The following TAFA5 variants were observed in gnomAD, a reference collection of about 807,000 sequenced individuals.
TAFA5 encodes chemokine-like protein TAFA-5.
Under a neutral mutation model 15.3 loss-of-function variants are expected in TAFA5, and 6 were observed. The ratio of observed to expected loss-of-function variants is 0.39; its 90% CI spans 0.21 to 0.77. The LOEUF is 0.77. Ranked by LOEUF, TAFA5 falls within the 30% of genes least tolerant of loss-of-function variation. The pLI, the probability that TAFA5 is intolerant of heterozygous loss-of-function variation, is 0.41. For synonymous variants in TAFA5, 103 were observed against 80.7 expected, an observed-to-expected ratio of 1.28 and a Z score of -1.48; for missense variants, 161 against 193.1, an observed-to-expected ratio of 0.83 and a Z score of 0.98.
At chr22:48,686,372 A>G (rs1392082211) in intron 2 of TAFA5, among the ~76,000 whole-genome samples, 1 of 152,166 alleles carries the variant, frequency 6.6e-6, no homozygotes, top group African/African-American at 2.4e-5. Flanking sequence ...TGGTTTGCAG[A>G]CAACTGTCTT....
At chr22:48,743,219 C>T (rs192055448) in intron 3 of TAFA5, among the ~76,000 whole-genome samples, 98 of 151,406 alleles carry the variant, frequency 6.5e-4, no homozygotes, top group Admixed American at 2.2e-3. Flanking sequence ...GCCATTCTTC[C>T]GGTTCGGGGG....
In TAFA5 at chr22:48,750,834, T is replaced by G. The variant is rs1331343298; in HGVS notation, c.*987T>G. On this transcript the variant is annotated 3_prime_UTR_variant, in exon 4 of 4. Transcript: ENST00000402357. ...TTTGCAAAGCCTAAAGTTATATATT[T>G]AACAGTTTTTATATGTTGTATATTT... is the stretch of plus-strand genomic sequence containing the variant. 2 of 152,640 alleles carry G rather than the reference T, an allele frequency of 1.3e-5. No homozygotes were observed. Among genetic ancestry groups the G allele is most frequent in the Admixed American group, 1.3e-4 (2 of 15,294 alleles). 9.5% of individuals were successfully genotyped at this position (152,640 alleles called of 1,614,324 possible).
chr22:48,512,005 G>A (rs1344796036), intron 1 of TAFA5, among the ~76,000 whole-genome samples: 2 of 152,240 alleles, frequency 1.3e-5, no homozygotes, highest in Admixed American at 6.5e-5. Context: ...ATGGCACAGA[G>A]CTGCAGGGAG....
At chr22:48,507,733 C>G (rs1018992437) in intron 1 of TAFA5, among the ~76,000 whole-genome samples, 2 of 152,064 alleles carry the variant, frequency 1.3e-5, no homozygotes, top group African/African-American at 4.8e-5. Flanking sequence ...TCCAGGTGGT[C>G]GACCGGGACT....
chr22:48,687,425 G>A (rs192811978), intron 2 of TAFA5, among the ~76,000 whole-genome samples: 1 of 150,212 alleles, frequency 6.7e-6, no homozygotes, highest in Admixed American at 6.6e-5. Flanking sequence ...TGGGTAGATA[G>A]ATGGATGGAT....
intron 2 of TAFA5, among the ~76,000 whole-genome samples, chr22:48,651,353 G>A (rs1405839539): frequency 6.6e-6 from 1 of 152,254 alleles, no homozygotes; most frequent in Admixed American, 6.5e-5. Flanking sequence ...GGGAGGTGCA[G>A]GACAGGCCGG....
At chr22:48,646,061 CA>C (rs1343839719) in intron 1 of TAFA5, among the ~76,000 whole-genome samples, 1 of 152,178 alleles carries the variant, frequency 6.6e-6, no homozygotes, top group East Asian at 1.9e-4. Context: ...CCTCTGTACC[CA>C]GGCAGGCATG....
chr22:48,643,909 C>T (rs1926771637), intron 1 of TAFA5, among the ~76,000 whole-genome samples: 1 of 152,210 alleles, frequency 6.6e-6, no homozygotes, highest in Non-Finnish European at 1.5e-5. Context: ...AGCCAACCTG[C>T]AGAGCTTAAC....
intron 1 of TAFA5, among the ~76,000 whole-genome samples, chr22:48,633,852 C>T (rs938750298): frequency 1.3e-5 from 2 of 152,178 alleles, no homozygotes; most frequent in African/African-American, 4.8e-5. Flanking sequence ...ATTGAATGTT[C>T]ATTTATAGTG....
intron 1 of TAFA5, among the ~76,000 whole-genome samples, chr22:48,528,712 C>A (rs1209987956): frequency 6.6e-6 from 1 of 152,216 alleles, no homozygotes; most frequent in African/African-American, 2.4e-5. Flanking sequence ...GTGGAAAGAG[C>A]CAGGAACACC....
chr22:48,597,599 C>A (rs1330449109), intron 1 of TAFA5, among the ~76,000 whole-genome samples: 2 of 152,150 alleles, frequency 1.3e-5, no homozygotes, highest in African/African-American at 4.8e-5. Context: ...TCACCTGGGC[C>A]TCAGTTTCCC....
intron 1 of TAFA5, among the ~76,000 whole-genome samples, chr22:48,605,351 GTGA>G (rs1365209562): frequency 3.4e-5 from 5 of 147,046 alleles, no homozygotes; most frequent in African/African-American, 5.1e-5. Context: ...GATGGCGATG[GTGA>G]TGATGGTGGT....
At chr22:48,673,560 G>C (rs1001060595) in intron 2 of TAFA5, among the ~76,000 whole-genome samples, 3 of 152,224 alleles carry the variant, frequency 2.0e-5, no homozygotes, top group African/African-American at 7.2e-5. Context: ...CTGAGGGTGG[G>C]ATGGCTGGTG....
At chr22:48,518,798 A>T (rs1921505885) in intron 1 of TAFA5, among the ~76,000 whole-genome samples, 1 of 152,252 alleles carries the variant, frequency 6.6e-6, no homozygotes, top group Non-Finnish European at 1.5e-5. Flanking sequence ...ACGCTGGGAC[A>T]GGCAAGCGGT....
chr22:48,575,309 CG>C (rs1286941174), intron 1 of TAFA5, among the ~76,000 whole-genome samples: 1 of 151,368 alleles, frequency 6.6e-6, no homozygotes, highest in East Asian at 1.9e-4. Context: ...GCGCGCCAGG[CG>C]GGGGCGCTGC....
At chr22:48,747,206 T>A (rs1180853787) in intron 3 of TAFA5, among the ~76,000 whole-genome samples, 1 of 152,234 alleles carries the variant, frequency 6.6e-6, no homozygotes, top group African/African-American at 2.4e-5. Context: ...GATGACCTGC[T>A]GCAGCTCAGG....
chr22:48,571,321 C>T (rs1273367602), intron 1 of TAFA5, among the ~76,000 whole-genome samples: 4 of 132,516 alleles, frequency 3.0e-5, no homozygotes, highest in Non-Finnish European at 4.6e-5. Flanking sequence ...TGTTGCCAGG[C>T]TGGAGTGCAG....
Position 48,489,753 on chromosome 22 carries a change from C to A in TAFA5, c.112+49C>A, listed in dbSNP as rs1407781207. On this transcript the variant is annotated intron_variant, in intron 1 of 3. Transcript: ENST00000402357. The surrounding 1 kb of genome is among the most constrained non-coding windows in gnomAD (Gnocchi z 5.5). The stretch of plus-strand genomic sequence containing the variant: ...CCGGCACGGCCCTCTGGGCCCCGGA[C>A]CCCCTCCTCCGGCCCCGGCAGGCGC... 2 of 1,193,980 alleles carry A rather than the reference C, an allele frequency of 1.7e-6. No individual in the cohort carries two copies. The highest frequency in any genetic ancestry group is 3.5e-5 in the East Asian group (1 of 28,876). 74.0% of individuals were successfully genotyped at this position (1,193,980 alleles called of 1,614,324 possible).
intron 1 of TAFA5, chr22:48,576,423 C>T (rs898973572): frequency 9.4e-6 from 12 of 1,276,192 alleles, no homozygotes; most frequent in Non-Finnish European, 1.1e-5. Flanking sequence ...GGCGCTGATG[C>T]GGCGCCTGGA....
Sources: gnomAD v4.1 joint callset for allele counts (sites outside exome capture counted in the v4.1 genomes callset) on GRCh38, gnomAD v4.1.1 for gene constraint, Gnocchi (gnomAD v3.1) non-coding constraint, MANE v1.5 for transcripts, NCBI Gene and HGNC (gene_info 2026-07-23, HGNC 2026-07-21) for gene names.